The following BLTP1 variants were observed in gnomAD, a reference collection of about 807,000 sequenced individuals.
BLTP1 encodes the protein bridge-like lipid transfer protein family member 1.
At chr4:122,183,751 C>T in the BLTP1 span, among the ~76,000 whole-genome samples, 1 of 152,036 alleles carries the variant, frequency 6.6e-6, no homozygotes, top group South Asian at 2.1e-4. Context: ...AAGTTTTGTT[C>T]TTTGGAACAA....
At chr4:122,218,539 G>A in the BLTP1 span, among the ~76,000 whole-genome samples, 9,765 of 152,178 alleles carry the variant, frequency 0.064, 887 homozygotes, top group African/African-American at 0.2. Flanking sequence ...CTAGTCAGAA[G>A]ATAATTTTGT....
chr4:122,292,988 G>A, the BLTP1 span: 1 of 759,798 alleles, frequency 1.3e-6, no homozygotes, highest in Non-Finnish European at 1.6e-6. Context: ...TTTTTACTTA[G>A]TCTAGTCTCC....
the BLTP1 span, chr4:122,196,498 A>G: frequency 1.6e-6 from 1 of 640,242 alleles, no homozygotes; most frequent in African/African-American, 1.9e-5. Flanking sequence ...TGGAAGTGTT[A>G]AATACTACAG....
chr4:122,246,811 G>A, the BLTP1 span: 7 of 1,611,760 alleles, frequency 4.3e-6, no homozygotes, highest in Non-Finnish European at 5.9e-6. Context: ...GCATGAACAG[G>A]TAAGAAATAC....
chr4:122,307,048 G>T, the BLTP1 span, among the ~76,000 whole-genome samples: 22 of 150,212 alleles, frequency 1.5e-4, 1 homozygote, highest in Non-Finnish European at 2.7e-4. Context: ...ACACAAAACA[G>T]GTTGAGTACT....
the BLTP1 span, chr4:122,199,329 G>T: frequency 6.2e-7 from 1 of 1,605,598 alleles, no homozygotes; most frequent in South Asian, 1.1e-5. Context: ...TTGTTTTCCT[G>T]GTTCTTAGTT....
At chr4:122,333,273 C>T in the BLTP1 span, among the ~76,000 whole-genome samples, 18 of 62,390 alleles carry the variant, frequency 2.9e-4, no homozygotes, top group African/African-American at 6.9e-4. Flanking sequence ...CCTATTTCTC[C>T]GCATCCTCTC....
the BLTP1 span, chr4:122,224,580 C>T: frequency 6.2e-7 from 1 of 1,614,094 alleles, no homozygotes; most frequent in Non-Finnish European, 8.5e-7. Context: ...GCTATGTTCT[C>T]AGCAGAAGGT....
At chr4:122,305,873 T>G in the BLTP1 span, 1 of 1,571,196 alleles carries the variant, frequency 6.4e-7, no homozygotes, top group Non-Finnish European at 8.6e-7. Context: ...AAATTTTATT[T>G]TAGGTTTATG....
the BLTP1 span, chr4:122,174,477 T>C: frequency 3.3e-6 from 5 of 1,522,412 alleles, no homozygotes; most frequent in South Asian, 6.2e-5. Context: ...GAGATGCTTA[T>C]TGAATAAATT....
the BLTP1 span, chr4:122,361,879 C>T: frequency 1.3e-6 from 1 of 789,814 alleles, no homozygotes; most frequent in Non-Finnish European, 1.9e-6. Flanking sequence ...TATGGTGAAT[C>T]CAGGAATTAT....
At chr4:122,254,484 T>C in the BLTP1 span, 1 of 1,313,072 alleles carries the variant, frequency 7.6e-7, no homozygotes, top group East Asian at 2.5e-5. Flanking sequence ...TCATTCTTAC[T>C]TCATATGTTC....
At chr4:122,252,315 C>T in the BLTP1 span, among the ~76,000 whole-genome samples, 1 of 152,194 alleles carries the variant, frequency 6.6e-6, no homozygotes, top group Non-Finnish European at 1.5e-5. Context: ...GATGCCAGCA[C>T]AGCCACAATG....
chr4:122,172,320 A>G, the BLTP1 span: 1 of 717,626 alleles, frequency 1.4e-6, no homozygotes, highest in African/African-American at 1.9e-5. Flanking sequence ...TGAAAAGGAT[A>G]AGTAAGAGCA....
chr4:122,262,870 A>G, the BLTP1 span: 1 of 1,614,150 alleles, frequency 6.2e-7, no homozygotes, highest in Non-Finnish European at 8.5e-7. Flanking sequence ...AGTCCAAGGA[A>G]GGAGAGCCTA....
chr4:122,258,815 C>T, the BLTP1 span: 1 of 1,611,454 alleles, frequency 6.2e-7, no homozygotes, highest in African/African-American at 1.3e-5. Context: ...AAAACTCATA[C>T]CCATAGTGAC....
the BLTP1 span, chr4:122,205,789 C>G: frequency 2.1e-3 from 314 of 152,456 alleles, 2 homozygotes; most frequent in African/African-American, 7.6e-3. Flanking sequence ...GTCACATACA[C>G]ACACACACAC....
chr4:122,247,439 T>A, the BLTP1 span: 1 of 1,478,472 alleles, frequency 6.8e-7, no homozygotes, highest in Non-Finnish European at 9.4e-7. Flanking sequence ...GTTTTTTTCC[T>A]TTGACTATTG....
the BLTP1 span, chr4:122,356,926 TA>T: frequency 1.0e-6 from 1 of 984,988 alleles, no homozygotes; most frequent in African/African-American, 1.7e-5. Flanking sequence ...GTACTTGCTA[TA>T]TATACAGCAC....
Sources: allele counts gnomAD v4.1 joint callset (sites outside exome capture counted in the v4.1 genomes callset), GRCh38; gene constraint gnomAD v4.1.1; transcripts MANE v1.5; gene names NCBI Gene and HGNC (gene_info 2026-07-23, HGNC 2026-07-21).